The following UVSSA variants were observed in gnomAD, a reference collection of about 807,000 sequenced individuals.
UVSSA encodes the protein UV stimulated scaffold protein A.
A neutral mutation model predicts 73.9 loss-of-function variants in UVSSA; 72 were observed. The ratio of observed to expected loss-of-function variants is 0.97; its 90% confidence interval spans 0.81 to 1.19. The LOEUF (loss-of-function observed/expected upper bound fraction) is 1.19. UVSSA is among the 50% of genes most tolerant of loss of function. UVSSA has a pLI of 0.00. For missense variants in UVSSA, 1,150 were observed against 965.0 expected (o/e 1.19, Z -2.54); for synonymous variants, 454 against 391.3 (o/e 1.16, Z -1.89).
chr4:1,394,734 C>A (rs1174942594), exon 14 of UVSSA: 1 of 1,597,594 alleles, frequency 6.3e-7, no homozygotes, highest in Admixed American at 1.7e-5. Flanking sequence ...TGTGGAGTGC[C>A]CACCTGCTCA....
chr4:1,379,759 G>A (rs559925455), intron 10 of UVSSA, among the ~76,000 whole-genome samples: 1 of 148,362 alleles, frequency 6.7e-6, no homozygotes, highest in Non-Finnish European at 1.5e-5. Flanking sequence ...GCTGGTTCAC[G>A]TGGCGTCAGA....
chr4:1,376,442 G>A (rs1461205790), intron 10 of UVSSA, among the ~76,000 whole-genome samples: 1 of 152,188 alleles, frequency 6.6e-6, no homozygotes, highest in Non-Finnish European at 1.5e-5. Flanking sequence ...GGGAACAGCT[G>A]GACGAGAAAC....
At chr4:1,362,561 C>A (rs1458828189) in intron 7 of UVSSA, among the ~76,000 whole-genome samples, 2 of 152,240 alleles carry the variant, frequency 1.3e-5, no homozygotes, top group Non-Finnish European at 2.9e-5. Flanking sequence ...AGCCCCAGCA[C>A]CACATAGGGT....
intron 12 of UVSSA, among the ~76,000 whole-genome samples, chr4:1,381,785 C>T (rs1719534325): frequency 6.6e-6 from 1 of 151,344 alleles, no homozygotes; most frequent in Non-Finnish European, 1.5e-5. Flanking sequence ...GATCCTCGTG[C>T]CTCAGCCTGC....
At chr4:1,380,725 C>A in intron 11 of UVSSA, 155 bp from the exon 12 acceptor site, 1 of 1,548,950 alleles carries the variant, frequency 6.5e-7, no homozygotes, top group Non-Finnish European at 8.7e-7. Flanking sequence ...GGACGCCCTC[C>A]TCTGAGGGGC....
Position 1,383,929 on chromosome 4 carries a change from A to G in UVSSA, c.2025A>G (p.Lys675=). ...CCGCCCGCGCTCGCATTGGGAGAAA[A>G]GTCTTCGCCAAGTAAGAGTGGCTGC... ...ADTARARIGR[K]VFAKAAVRRV... is the part of the protein sequence containing the mutation. Residue 675 remains lysine, a synonymous_variant, in exon 13 of 14, where the codon AAA becomes AAG. Transcript: ENST00000389851. The G allele has an allele frequency of 3.7e-6, 6 of 1,611,500 alleles. No individual in the cohort carries two copies. The highest frequency in any genetic ancestry group is 5.1e-6 in the Non-Finnish European group (6 of 1,179,162).
At chr4:1,350,696 G>A (rs1312799142) in intron 3 of UVSSA, among the ~76,000 whole-genome samples, 4 of 151,796 alleles carry the variant, frequency 2.6e-5, no homozygotes, top group Admixed American at 6.6e-5. Context: ...TCTGGAAGCC[G>A]AGGCTGGTGG....
rs953415181 is a variant in UVSSA, at chr4:1,375,903, G to C, written c.1434-131G>C. On this transcript the variant is annotated intron_variant, in intron 9 of 13. Transcript: ENST00000389851. ...GCGGTGGCCCTGAGGCCCAGGCGTC[G>C]TGTGGCAGAAGCCATTGCTCACCTG... The C allele has an allele frequency of 8.6e-5, 120 of 1,390,230 alleles. No homozygotes were observed. The Admixed American group carries it at 1.3e-3, about 15-fold the overall frequency. 86.1% of individuals were successfully genotyped at this position (1,390,230 alleles called of 1,614,324 possible).
intron 3 of UVSSA, 63 bp downstream of exon 3, chr4:1,349,917 C>A: frequency 1.4e-6 from 2 of 1,404,914 alleles, no homozygotes; most frequent in Non-Finnish European, 1.9e-6. Context: ...GCAGACGATA[C>A]CAGGGTGAAG....
chr4:1,395,532 C>A (rs1720526596), exon 14 of UVSSA: 9 of 1,598,740 alleles, frequency 5.6e-6, no homozygotes, highest in Non-Finnish European at 6.0e-6. Context: ...ATGTGGAGTG[C>A]CCGCCTGCTC....
At chr4:1,395,774 T>C in exon 14 of UVSSA, 2 of 1,614,242 alleles carry the variant, frequency 1.2e-6, no homozygotes, top group Non-Finnish European at 1.7e-6. Context: ...TTACCGTACA[T>C]TCTACTCATG....
chr4:1,354,782 G>C lies in UVSSA; in HGVS notation c.982G>C (p.Ala328Pro). 2 of 1,613,560 alleles carry C rather than the reference G, an allele frequency of 1.2e-6. No homozygotes were observed. Among genetic ancestry groups the C allele is most frequent in the South Asian group, 2.2e-5 (2 of 91,070 alleles). Residue 328 changes from alanine to proline, a missense_variant, in exon 6 of 14, where the codon GCC (alanine) becomes CCC (proline). Coordinates refer to ENST00000389851, the MANE Select transcript of UVSSA (RefSeq NM_020894.4). Reference sequence around the variant, plus strand: ...CGAGGACAACCTTGCTCTCATCCACGCCGCCCGCGACACACTCAAGCTCAT... The same window carrying C: ...CGAGGACAACCTTGCTCTCATCCACCCCGCCCGCGACACACTCAAGCTCAT... ...ENEDNLALIHAARDTLKLIRN... is the reference protein window; with the variant it reads ...ENEDNLALIHPARDTLKLIRN...
exon 14 of UVSSA, chr4:1,394,143 C>T (rs545911048): frequency 7.7e-6 from 3 of 389,038 alleles, no homozygotes; most frequent in Admixed American, 4.3e-5. Flanking sequence ...AGGGCCAGGG[C>T]AGCTCAGGTT....
At chr4:1,345,644 CAAAAAAAAAAAA>C (rs71168831), upstream of UVSSA, among the ~76,000 whole-genome samples, 31 of 55,954 alleles carry the variant, frequency 5.5e-4, no homozygotes, top group Admixed American at 1.8e-3. Context: ...GACTTTGTCT[CAAAAAAAAAAAA>C]AAAAAAAAAA....
At chr4:1,381,494 G>A (rs1719497931) in intron 12 of UVSSA, among the ~76,000 whole-genome samples, 1 of 152,192 alleles carries the variant, frequency 6.6e-6, no homozygotes, top group Non-Finnish European at 1.5e-5. Context: ...TGGACAGCAA[G>A]GCCACTGTGG....
intron 8 of UVSSA, among the ~76,000 whole-genome samples, chr4:1,369,885 C>T (rs969932247): frequency 1.3e-5 from 2 of 152,238 alleles, no homozygotes; most frequent in Non-Finnish European, 2.9e-5. Context: ...AGTGAGACGC[C>T]GTGCGGGCAA....
chr4:1,352,991 C>A, intron 4 of UVSSA, 39 bp from the exon 5 acceptor site: 1 of 1,568,590 alleles, frequency 6.4e-7, no homozygotes, highest in Non-Finnish European at 8.7e-7. Context: ...GCTTTTGCTC[C>A]ACATAGCGCA....
downstream of UVSSA, chr4:1,390,221 T>C (rs905601851): frequency 6.6e-6 from 1 of 151,104 alleles, no homozygotes; most frequent in Admixed American, 6.5e-5. Flanking sequence ...TTTCTTCTTT[T>C]ATCTCTTGGT....
chr4:1,345,606 C>G (rs192383734), upstream of UVSSA, among the ~76,000 whole-genome samples: 1 of 139,380 alleles, frequency 7.2e-6, no homozygotes, highest in East Asian at 2.3e-4. Flanking sequence ...GATCGTGCCA[C>G]TGCACTCCAG....
Sources: gnomAD v4.1 joint callset for allele counts (sites outside exome capture counted in the v4.1 genomes callset) on GRCh38, gnomAD v4.1.1 for gene constraint, MANE v1.5 for transcripts, NCBI Gene and HGNC (gene_info 2026-07-23, HGNC 2026-07-21) for gene names.